The following MACROD2 variants were observed in gnomAD, a reference collection of about 807,000 sequenced individuals.
The protein encoded by MACROD2 is mono-ADP ribosylhydrolase 2, also known as ADP-ribose glycohydrolase MACROD2.
Under a neutral mutation model 70.4 loss-of-function variants are expected in MACROD2, and 36 were observed. The observed-to-expected ratio is 0.51, with a 90% CI of 0.39 to 0.68. The LOEUF is 0.68. Among genes scored for constraint, MACROD2 ranks in the 30% least tolerant of loss-of-function variants. The pLI is 0.00. For missense variants in MACROD2, 496 were observed against 538.4 expected, an observed-to-expected ratio of 0.92 and a Z score of 0.78; for synonymous variants, 172 against 178.8, an observed-to-expected ratio of 0.96 and a Z score of 0.30.
intron 8 of MACROD2, among the ~76,000 whole-genome samples, chr20:15,584,443 GA>G (rs932783671): frequency 6.6e-6 from 1 of 151,668 alleles, no homozygotes; most frequent in African/African-American, 2.4e-5. Context: ...TGTGTTTTGG[GA>G]AAAAAATGAG....
At chr20:15,654,210 G>A (rs1480982653) in intron 8 of MACROD2, among the ~76,000 whole-genome samples, 1 of 152,150 alleles carries the variant, frequency 6.6e-6, no homozygotes, top group Non-Finnish European at 1.5e-5. Context: ...GGAAGAACCT[G>A]AAAAGTCAAG....
intron 15 of MACROD2, among the ~76,000 whole-genome samples, chr20:16,018,180 A>C (rs981137089): frequency 7.2e-5 from 11 of 152,238 alleles, no homozygotes; most frequent in African/African-American, 2.7e-4. Context: ...GAAGAGGACA[A>C]CGCAGAGCAA....
intron 3 of MACROD2, among the ~76,000 whole-genome samples, chr20:14,463,257 TG>T (rs1212334682): frequency 5.3e-5 from 8 of 152,038 alleles, no homozygotes. Context: ...TCACATCCCT[TG>T]TAAGTTGGAT....
chr20:14,112,372 T>G (rs905336132), intron 3 of MACROD2, among the ~76,000 whole-genome samples: 1 of 151,996 alleles, frequency 6.6e-6, no homozygotes, highest in Non-Finnish European at 1.5e-5. Flanking sequence ...TATAATTTGA[T>G]TTTTTGTAAC....
At chr20:15,848,809 G>A (rs2064263841) in intron 8 of MACROD2, among the ~76,000 whole-genome samples, 1 of 151,968 alleles carries the variant, frequency 6.6e-6, no homozygotes, top group South Asian at 2.1e-4. Flanking sequence ...TCATAATTAG[G>A]TCACTCAGAG....
intron 6 of MACROD2, among the ~76,000 whole-genome samples, chr20:15,268,816 T>C (rs1256827423): frequency 6.6e-6 from 1 of 152,206 alleles, no homozygotes; most frequent in Non-Finnish European, 1.5e-5. Context: ...AATGCATGAT[T>C]GACCTTCCTT....
chr20:15,611,326 G>T (rs187307951), intron 8 of MACROD2, among the ~76,000 whole-genome samples: 1 of 152,136 alleles, frequency 6.6e-6, no homozygotes, highest in Non-Finnish European at 1.5e-5. Context: ...GCAGAGTCAC[G>T]ATTGGAAGCC....
chr20:15,824,152 GT>G lies in MACROD2; in HGVS notation c.646-38591del, dbSNP rs1319760833. Among the ~76,000 whole-genome samples the G allele has an allele frequency of 3.0e-4, 45 of 152,114 alleles. 1 individual carries two copies. Among genetic ancestry groups the G allele is most frequent in the Admixed American group, 2.9e-3 (44 of 15,268 alleles). On this transcript the variant is annotated intron_variant, in intron 8 of 17. Transcript: ENST00000684519. ...TACAGCTTCCTGATCAATTGTACAA[GT>G]TACTCTTACCAAGCTGGGGGTTGGG... is the stretch of plus-strand genomic sequence containing the variant.
At chr20:14,480,417 C>T (rs1347653455) in intron 3 of MACROD2, among the ~76,000 whole-genome samples, 1 of 152,064 alleles carries the variant, frequency 6.6e-6, no homozygotes, top group Non-Finnish European at 1.5e-5. Flanking sequence ...TCTGGAATAC[C>T]ATATGCAAAT....
chr20:15,105,588 T>C (rs914850475), intron 5 of MACROD2, among the ~76,000 whole-genome samples: 1 of 152,062 alleles, frequency 6.6e-6, no homozygotes, highest in African/African-American at 2.4e-5. Flanking sequence ...CTAACAGTGT[T>C]AGAGGCAGAA....
At chr20:14,925,930 G>A (rs1023849166) in intron 5 of MACROD2, among the ~76,000 whole-genome samples, 4 of 152,148 alleles carry the variant, frequency 2.6e-5, no homozygotes, top group Non-Finnish European at 5.9e-5. Flanking sequence ...CTCTGGTGGA[G>A]TTTAATGGAA....
intron 5 of MACROD2, among the ~76,000 whole-genome samples, chr20:14,910,104 G>C (rs923375936): frequency 8.5e-5 from 13 of 152,148 alleles, no homozygotes; most frequent in African/African-American, 3.1e-4. Context: ...GAGAATGTTT[G>C]AACTGGAAGG....
intron 3 of MACROD2, among the ~76,000 whole-genome samples, chr20:14,211,735 AGT>A (rs2081572763): frequency 6.6e-6 from 1 of 152,206 alleles, no homozygotes; most frequent in Admixed American, 6.5e-5. Flanking sequence ...TGGTCACCGT[AGT>A]GTGTCTCTAG....
chr20:14,669,095 C>T (rs2070767631), intron 4 of MACROD2, among the ~76,000 whole-genome samples: 1 of 152,080 alleles, frequency 6.6e-6, no homozygotes, highest in Non-Finnish European at 1.5e-5. Context: ...GACAATCATT[C>T]CTTAAAGCTC....
chr20:15,806,238 T>G (rs530988129), intron 8 of MACROD2, among the ~76,000 whole-genome samples: 2 of 152,318 alleles, frequency 1.3e-5, no homozygotes, highest in East Asian at 3.9e-4. Context: ...GCCACATTTT[T>G]AGTATGTCCA....
At chr20:14,572,824 T>C (rs1980289960) in intron 4 of MACROD2, among the ~76,000 whole-genome samples, 1 of 151,508 alleles carries the variant, frequency 6.6e-6, no homozygotes, top group African/African-American at 2.4e-5. Context: ...TTATGATCAG[T>C]GCTAATATAT....
chr20:15,606,354 A>C (rs930648905), intron 8 of MACROD2, among the ~76,000 whole-genome samples: 2 of 151,442 alleles, frequency 1.3e-5, no homozygotes, highest in Admixed American at 6.6e-5. Flanking sequence ...TCCTGCCTCT[A>C]CTCCTGGCTT....
At chr20:14,267,117 A>G (rs1325121112) in intron 3 of MACROD2, among the ~76,000 whole-genome samples, 2 of 152,172 alleles carry the variant, frequency 1.3e-5, no homozygotes, top group Non-Finnish European at 1.5e-5. Flanking sequence ...AGAAAGGACA[A>G]ATGATCCAAG....
At chr20:15,071,138 G>C (rs556149095) in intron 5 of MACROD2, among the ~76,000 whole-genome samples, 3 of 152,170 alleles carry the variant, frequency 2.0e-5, no homozygotes, top group Non-Finnish European at 4.4e-5. Flanking sequence ...TACAACAATT[G>C]TGGAAGTTTT....
Sources: gnomAD v4.1 joint callset for allele counts (sites outside exome capture counted in the v4.1 genomes callset) on GRCh38, gnomAD v4.1.1 for gene constraint, MANE v1.5 for transcripts, NCBI Gene and HGNC (gene_info 2026-07-23, HGNC 2026-07-21) for gene names.